COX10: variants seen among roughly 807,000 people sequenced by gnomAD.
COX10 encodes protoheme IX farnesyltransferase, mitochondrial.
Under a neutral mutation model 37.3 loss-of-function variants are expected in COX10, and 27 were observed. The ratio of observed to expected loss-of-function variants is 0.72; its 90% CI spans 0.53 to 1.00. COX10 has a LOEUF of 1.00. COX10 is among the 50% of genes least tolerant of loss of function. The pLI, the probability that COX10 is intolerant of heterozygous loss-of-function variation, is 0.00. For missense variants in COX10, 475 were observed against 563.2 expected, an observed-to-expected ratio of 0.84 and a Z score of 1.59; for synonymous variants, 222 against 229.1, an observed-to-expected ratio of 0.97 and a Z score of 0.28.
chr17:14,069,569 A>T lies in COX10; in HGVS notation c.-37A>T. ...CCAGCGTCCCGTGAGGAGAGAGGAC[A>T]CAGGGATCCCGGGGAGCGGCCCCAG... On this transcript the variant is annotated 5_prime_UTR_variant, in exon 1 of 7. Coordinates refer to ENST00000261643, the MANE Select transcript of COX10 (RefSeq NM_001303.4). The T allele has an allele frequency of 1.9e-6, 3 of 1,611,100 alleles. No individual in the cohort carries two copies. The highest frequency in any genetic ancestry group is 1.1e-5 in the South Asian group (1 of 90,914).
At chr17:14,186,280 C>T (rs1382256138) in intron 5 of COX10, among the ~76,000 whole-genome samples, 1 of 151,892 alleles carries the variant, frequency 6.6e-6, no homozygotes, top group Non-Finnish European at 1.5e-5. Context: ...CTGTATGTGG[C>T]CTTCCTAATT....
At chr17:14,202,748 A>C (rs1371928805) in intron 6 of COX10, among the ~76,000 whole-genome samples, 7 of 93,662 alleles carry the variant, frequency 7.5e-5, no homozygotes, top group Admixed American at 1.2e-4. Context: ...CTGTCTCTCG[A>C]CCCCCAGCCT....
rs552514188 is a variant in COX10 at position 14,124,323 on chromosome 17, G to T, written c.624+22081G>T. ...TACACTTTATTGCCATTTTATCAAA[G>T]ATAGGGAAGTAGAATAGTTTTAGGG... On this transcript the variant is annotated intron_variant, in intron 4 of 6. Transcript: ENST00000261643. Among the ~76,000 whole-genome samples, 4 of 152,278 alleles carry T rather than the reference G, an allele frequency of 2.6e-5. No homozygotes were observed. In the East Asian group the frequency reaches 7.7e-4, roughly 29 times the overall value.
At chr17:14,069,783 A>G (rs1325531262) in intron 1 of COX10, 135 bp downstream of exon 1, 8 of 1,043,238 alleles carry the variant, frequency 7.7e-6, no homozygotes, top group East Asian at 5.1e-5. Context: ...GGTGGGGGAA[A>G]TGACCTCTGG....
At chr17:14,135,851 T>C (rs955171616) in intron 4 of COX10, among the ~76,000 whole-genome samples, 5 of 151,900 alleles carry the variant, frequency 3.3e-5, no homozygotes, top group African/African-American at 1.2e-4. Flanking sequence ...GGCATTTGAG[T>C]AGCAAAGAAA....
At chr17:14,203,652 C>T (rs1413580340) in intron 6 of COX10, among the ~76,000 whole-genome samples, 2 of 152,220 alleles carry the variant, frequency 1.3e-5, no homozygotes, top group Non-Finnish European at 2.9e-5. Context: ...CTGGTTCCTT[C>T]TCATGCTCAC....
At chr17:14,079,450 G>A (rs1435051494) in intron 3 of COX10, among the ~76,000 whole-genome samples, 1 of 152,174 alleles carries the variant, frequency 6.6e-6, no homozygotes, top group Admixed American at 6.5e-5. Context: ...GGGACTATGA[G>A]TAGCAATAGT....
intron 4 of COX10, among the ~76,000 whole-genome samples, chr17:14,151,045 A>G (rs561486224): frequency 6.1e-5 from 9 of 146,920 alleles, no homozygotes; most frequent in Middle Eastern, 3.2e-3. Flanking sequence ...CATTATGAAA[A>G]ACTAATTATT....
At chr17:14,187,481 A>G (rs2259966) in intron 5 of COX10, among the ~76,000 whole-genome samples, 8 of 152,328 alleles carry the variant, frequency 5.3e-5, no homozygotes, top group East Asian at 3.9e-4. Flanking sequence ...TAAATCAGGG[A>G]ATAAAACCAC....
At chr17:14,139,240 G>C (rs775129866) in intron 4 of COX10, among the ~76,000 whole-genome samples, 1 of 152,052 alleles carries the variant, frequency 6.6e-6, no homozygotes, top group African/African-American at 2.4e-5. Context: ...TCAATATTTT[G>C]CATGTCTGTT....
intron 3 of COX10, among the ~76,000 whole-genome samples, chr17:14,083,641 A>T (rs1263695194): frequency 6.6e-6 from 1 of 152,238 alleles, no homozygotes; most frequent in Non-Finnish European, 1.5e-5. Flanking sequence ...TTAGGCCAGG[A>T]TATGAGCCAA....
intron 3 of COX10, among the ~76,000 whole-genome samples, chr17:14,099,996 GTTGTT>G (rs1249896962): frequency 2.0e-5 from 3 of 151,732 alleles, no homozygotes; most frequent in Non-Finnish European, 4.4e-5. Context: ...ATTCTTTTTT[GTTGTT>G]TTATCTTCCT....
At position 14,094,629 on chromosome 17, in the gene COX10, A is replaced by C. The variant is rs186647419; in HGVS notation, c.500-7489A>C. ...ATCTGTTCACTCCCCTGGAGGAGAC[A>C]GAGAGATAACTTAGATTATAGTACA... is the stretch of plus-strand genomic sequence containing the variant. On this transcript the variant is annotated intron_variant, in intron 3 of 6. Coordinates refer to ENST00000261643, the MANE Select transcript of COX10 (RefSeq NM_001303.4). Among the ~76,000 whole-genome samples the C allele has an allele frequency of 1.7e-3, 266 of 152,362 alleles. 2 individuals carry two copies. Among genetic ancestry groups the C allele is most frequent in the African/African-American group, 6.1e-3 (252 of 41,594 alleles).
chr17:14,089,184 G>A (rs1915474372), intron 3 of COX10, among the ~76,000 whole-genome samples: 1 of 152,100 alleles, frequency 6.6e-6, no homozygotes, highest in African/African-American at 2.4e-5. Flanking sequence ...TCCCCTTCTT[G>A]GAGGAGGACA....
intron 6 of COX10, among the ~76,000 whole-genome samples, chr17:14,192,981 A>G (rs927886697): frequency 2.0e-5 from 3 of 152,194 alleles, no homozygotes; most frequent in Admixed American, 1.3e-4. Context: ...GAAACTTTTC[A>G]TAAAAGCTCT....
chr17:14,099,646 C>T (rs1915731737), intron 3 of COX10, among the ~76,000 whole-genome samples: 1 of 152,004 alleles, frequency 6.6e-6, no homozygotes, highest in African/African-American at 2.4e-5. Context: ...TTCCTTCCCC[C>T]CATCTGTAAA....
chr17:14,196,941 C>T (rs1906385398), intron 6 of COX10, among the ~76,000 whole-genome samples: 1 of 152,172 alleles, frequency 6.6e-6, no homozygotes, highest in Admixed American at 6.5e-5. Context: ...TGAAGGGAGG[C>T]AGGTTGCACG....
At chr17:14,129,489 G>A (rs986943818) in intron 4 of COX10, among the ~76,000 whole-genome samples, 3 of 151,986 alleles carry the variant, frequency 2.0e-5, no homozygotes, top group Non-Finnish European at 2.9e-5. Flanking sequence ...AAAACTTCCC[G>A]TAGTATTTAT....
rs76350426 is a variant in COX10 at position 14,128,908 on chromosome 17, G to A, written c.624+26666G>A. 2.6e-3 allele frequency among the ~76,000 whole-genome samples: 400 copies of A among 152,328 alleles called. 1 individual carries two copies. Among genetic ancestry groups the A allele is most frequent in the African/African-American group, 5.9e-3 (244 of 41,582 alleles). On this transcript the variant is annotated intron_variant, in intron 4 of 6. Transcript: ENST00000261643. ...CGCGCCCAGGCGAGAGTGCAGTGGC[G>A]CGATCTCGGCCCACTGCAACCTCTG...
Sources: allele counts gnomAD v4.1 joint callset (sites outside exome capture counted in the v4.1 genomes callset), GRCh38; gene constraint gnomAD v4.1.1; transcripts MANE v1.5; gene names NCBI Gene and HGNC (gene_info 2026-07-23, HGNC 2026-07-21).